NEB: variants seen among roughly 807,000 people sequenced by gnomAD.
NEB encodes nemaline myopathy type 2.
Under a neutral mutation model 952.2 loss-of-function variants are expected in NEB, and 512 were observed. The ratio of observed to expected loss-of-function variants is 0.54; its 90% CI spans 0.50 to 0.58. The LOEUF (loss-of-function observed/expected upper bound fraction) is 0.58. Among genes scored for constraint, NEB ranks in the 20% least tolerant of loss-of-function variants. NEB has a pLI of 0.00. For missense variants in NEB, 8,428 were observed against 9,231.1 expected (o/e 0.91, Z 3.56); for synonymous variants, 2,900 against 3,149.8 (o/e 0.92, Z 2.66).
intron 126 of NEB, 80 bp downstream of exon 126, chr2:151,553,748 G>T (rs1349976403): frequency 5.2e-6 from 7 of 1,355,336 alleles, no homozygotes; most frequent in Non-Finnish European, 7.0e-6. Context: ...CTAAGGTAAA[G>T]AAATGGGTGA....
At position 151,576,229 on chromosome 2, in the gene NEB, C is replaced by T. The variant is rs2153808322; in HGVS notation, c.16830G>A (p.Val5610=). 2 of 1,611,254 alleles carry T rather than the reference C, an allele frequency of 1.2e-6. No homozygotes were observed. Among genetic ancestry groups the T allele is most frequent in the East Asian group, 4.5e-5 (2 of 44,840 alleles). ...IFCDSVYRTP[V]VNLKYTSIVD... Reference sequence around the variant, plus strand: ...CAATGCTTGTGTACTTAAGGTTCACCACAGGCGTCCGATAGACACTGTCAC... The same window carrying T: ...CAATGCTTGTGTACTTAAGGTTCACTACAGGCGTCCGATAGACACTGTCAC... The change falls in exon 106 of 182, where the codon GTG becomes GTA. Residue 5610 remains valine (V), a synonymous_variant. Transcript: ENST00000397345.
intron 105 of NEB, among the ~76,000 whole-genome samples, chr2:151,579,012 C>T (rs1330547757): frequency 8.0e-6 from 1 of 125,208 alleles, no homozygotes; most frequent in Non-Finnish European, 1.6e-5. Context: ...ACCTGGGAGG[C>T]GGAGGTTGCA....
At position 151,680,719 on chromosome 2, in the gene NEB, T is replaced by C. The variant is rs758960950; in HGVS notation, c.3042+11A>G. ...AACATCTATTAACATATAGATAGCATTAACACTTACATCACTCCTCTGGGC... is the reference window on the plus strand; with the variant it reads ...AACATCTATTAACATATAGATAGCACTAACACTTACATCACTCCTCTGGGC... On this transcript the variant is annotated intron_variant, in intron 30 of 181. Transcript: ENST00000397345. The C allele has an allele frequency of 1.3e-5, 20 of 1,545,592 alleles. No homozygotes were observed. In the African/African-American group the frequency reaches 2.7e-4, roughly 21 times the overall value.
rs756722257 is a variant in NEB, at chr2:151,560,616, C to T, written c.19290G>A (p.Lys6430=). 6.2e-7 allele frequency: 1 copy of T among 1,612,138 alleles called. No individual in the cohort carries two copies. Among genetic ancestry groups the T allele is most frequent in the South Asian group, 1.1e-5 (1 of 90,536 alleles). Residue 6430 remains lysine, a synonymous_variant, in exon 124 of 182, where the codon AAG becomes AAA. Transcript: ENST00000397345. ...CATGGCTGGCCAGATGCTTCTGGTT[C>T]TTGGCGTGTGTCAGGGACAAGGTGC... ...PSSTLSLTHA[K]NQKHLASHIK...
chr2:151,563,011 C>CTTTT (rs397868741), intron 119 of NEB, among the ~76,000 whole-genome samples: 18 of 93,338 alleles, frequency 1.9e-4, no homozygotes, highest in Non-Finnish European at 2.3e-4. Context: ...AATTTCCCAT[C>CTTTT]TTTTTTTTTT....
chr2:151,528,067 G>A (rs2087606794), intron 146 of NEB, among the ~76,000 whole-genome samples: 1 of 152,116 alleles, frequency 6.6e-6, no homozygotes, highest in South Asian at 2.1e-4. Flanking sequence ...ATAGACAGCT[G>A]AAGAACTGGA....
chr2:151,539,825 A>G (rs970474571), intron 138 of NEB, among the ~76,000 whole-genome samples: 1 of 152,244 alleles, frequency 6.6e-6, no homozygotes, highest in African/African-American at 2.4e-5. Flanking sequence ...AATTAAGAGA[A>G]AAAAGGGAAC....
chr2:151,534,021 T>G (rs2092503670), intron 142 of NEB, among the ~76,000 whole-genome samples: 1 of 152,110 alleles, frequency 6.6e-6, no homozygotes, highest in Admixed American at 6.6e-5. Context: ...ACAGCACAAG[T>G]GAGAACACAG....
chr2:151,494,388 A>T lies in NEB; in HGVS notation c.24487-135T>A, dbSNP rs543655045. The T allele has an allele frequency of 4.9e-4, 311 of 637,334 alleles. 1 individual carries two copies. In the African/African-American group the frequency reaches 5.9e-3, roughly 12 times the overall value. 39.5% of individuals were successfully genotyped at this position (637,334 alleles called of 1,614,324 possible). On this transcript the variant is annotated intron_variant, in intron 173 of 181. Transcript: ENST00000397345. ...TGGGCAATTAGGTTAGATGGAAAGT[A>T]GTATGTTTCCTAAGGAAGTTAAGTG...
chr2:151,671,204 C>A lies in NEB; in HGVS notation c.4325G>T (p.Ser1442Ile), dbSNP rs912970243. 2.5e-6 allele frequency: 4 copies of A among 1,613,776 alleles called. No individual in the cohort carries two copies. Among genetic ancestry groups the A allele is most frequent in the Non-Finnish European group, 2.5e-6 (3 of 1,179,726 alleles). ...SDNVYKDEYN[S>I]FLKGIGWIPI... ...GATCCATCCGATGCCCTTCAAGAAG[C>A]TGTTATACTCGTCTTTATACACATT... Residue 1442 changes from serine to isoleucine, a missense_variant, in exon 38 of 182, where the codon AGC becomes ATC. Around this residue, in one of 11 missense-constraint regions of NEB, gnomAD observed 2,851 missense variants for 2,791.5 expected, o/e 1.02. Transcript: ENST00000397345.
rs780303181 is a variant in NEB at position 151,692,351 on chromosome 2, C to T, written c.1908G>A (p.Lys636=). The T allele has an allele frequency of 6.2e-7, 1 of 1,603,400 alleles. No individual in the cohort carries two copies. Among genetic ancestry groups the T allele is most frequent in the African/African-American group, 1.3e-5 (1 of 74,558 alleles). Residue 636 remains lysine (K), a synonymous_variant, in exon 21 of 182, where the codon AAG becomes AAA. Coordinates refer to ENST00000397345, the MANE Select transcript of NEB (RefSeq NM_001164508.2). ...VAKNQSDRLY[K]ENYEKTKAKS... ...TTGCCTTTGTCTTCTCATAGTTTTC[C>T]TTGTATAATCTCTGTTAAAGGAAAA... is the stretch of plus-strand genomic sequence containing the variant.
chr2:151,513,241 T>C (rs569807131), intron 160 of NEB, among the ~76,000 whole-genome samples: 5 of 152,278 alleles, frequency 3.3e-5, no homozygotes, highest in African/African-American at 9.6e-5. Context: ...TCCCAAGATA[T>C]TCTAAGCAAG....
At chr2:151,530,154 T>C (rs965790545) in intron 145 of NEB, among the ~76,000 whole-genome samples, 6 of 152,248 alleles carry the variant, frequency 3.9e-5, no homozygotes, top group Admixed American at 6.5e-5. Flanking sequence ...CAATATTTGA[T>C]GAATGAATGA....
At chr2:151,490,655 A>G (rs2055704956) in intron 179 of NEB, 137 bp from the exon 180 acceptor site, 1 of 1,042,558 alleles carries the variant, frequency 9.6e-7, no homozygotes, top group South Asian at 1.6e-5. Context: ...TCAAACCCTC[A>G]CAGTTATTCT....
chr2:151,525,136 C>G, intron 151 of NEB, 27 bp downstream of exon 151: 1 of 1,524,678 alleles, frequency 6.6e-7, no homozygotes, highest in Non-Finnish European at 9.1e-7. Context: ...AAATGGGCCC[C>G]CAAGAGTGTT....
At chr2:151,564,685 C>T (rs918874082) in intron 117 of NEB, among the ~76,000 whole-genome samples, 1 of 152,184 alleles carries the variant, frequency 6.6e-6, no homozygotes, top group Non-Finnish European at 1.5e-5. Flanking sequence ...CCTCCCTTTT[C>T]TCTATTGGTA....
At chr2:151,629,999 T>TG (rs1330051556) in intron 67 of NEB, among the ~76,000 whole-genome samples, 2 of 151,684 alleles carry the variant, frequency 1.3e-5, no homozygotes, top group African/African-American at 4.8e-5. Context: ...TACCACTAAG[T>TG]GAAAAAAAAT....
chr2:151,654,059 C>G lies in NEB; in HGVS notation c.6848G>C (p.Gly2283Ala). ...KLGWEEALKKGYDLPVDAISV... is the reference protein window; with the variant it reads ...KLGWEEALKKAYDLPVDAISV... ...AATTGCATCAACTGGGAGATCATAG[C>G]CTTTCTTCAAAGCTTCTTCCCATCC... Residue 2283 changes from glycine to alanine, a missense_variant, in exon 52 of 182, where the codon GGC (glycine) becomes GCC (alanine). Around this residue, in one of 11 missense-constraint regions of NEB, gnomAD observed 2,851 missense variants for 2,791.5 expected, o/e 1.02. Transcript: ENST00000397345. 1.2e-6 allele frequency: 2 copies of G among 1,610,968 alleles called. No homozygotes were observed. Among genetic ancestry groups the G allele is most frequent in the Non-Finnish European group, 1.7e-6 (2 of 1,178,366 alleles).
intron 37 of NEB, 197 bp from the exon 38 acceptor site, chr2:151,671,426 G>A (rs1019094107): frequency 1.9e-6 from 1 of 518,744 alleles, no homozygotes; most frequent in East Asian, 3.0e-5. Context: ...ATACAACACA[G>A]AAGGGAATCT....
Sources: gnomAD v4.1 joint callset for allele counts (sites outside exome capture counted in the v4.1 genomes callset) on GRCh38, gnomAD v4.1.1 for gene constraint, gnomAD v4.1.1 regional missense constraint, MANE v1.5 for transcripts, NCBI Gene and HGNC (gene_info 2026-07-23, HGNC 2026-07-21) for gene names.